The following KLHL1 variants were observed in gnomAD, a reference collection of about 807,000 sequenced individuals.
KLHL1 encodes the protein kelch-like protein 1.
KLHL1 carries 47 observed loss-of-function variants against 77.7 expected under a neutral mutation model. The observed-to-expected ratio is 0.60, with a 90% confidence interval of 0.48 to 0.77. The LOEUF is 0.77. KLHL1 is among the 30% of genes least tolerant of loss of function. The pLI, the probability that KLHL1 is intolerant of heterozygous loss-of-function variation, is 0.00. For synonymous variants in KLHL1, 360 were observed against 325.2 expected, an observed-to-expected ratio of 1.11 and a Z score of -1.15; for missense variants, 925 against 910.8, an observed-to-expected ratio of 1.02 and a Z score of -0.20.
rs2137463434 is a variant in KLHL1 at position 70,107,700 on chromosome 13, G to A, written c.-1C>T. ...AGTCTTTTCGCCCAGAGCCTGACATGCTTTACGCACAGAAGGCAAAAGGCT... is the reference window on the plus strand; with the variant it reads ...AGTCTTTTCGCCCAGAGCCTGACATACTTTACGCACAGAAGGCAAAAGGCT... On this transcript the variant is annotated 5_prime_UTR_variant, in exon 1 of 11. Transcript: ENST00000377844. 3 of 1,519,354 alleles carry A rather than the reference G, an allele frequency of 2.0e-6. No individual in the cohort carries two copies. The highest frequency in any genetic ancestry group is 2.6e-5 in the South Asian group (2 of 75,728). The allele number at this position is 1,519,354 out of a possible 1,614,324, so 94.1% of individuals were successfully genotyped here.
At chr13:69,776,973 C>T (rs768153500) in intron 7 of KLHL1, among the ~76,000 whole-genome samples, 1 of 152,098 alleles carries the variant, frequency 6.6e-6, no homozygotes, top group Non-Finnish European at 1.5e-5. Context: ...TATGTCCCCA[C>T]CCAAATCTCA....
chr13:69,926,754 T>C (rs889096554), intron 4 of KLHL1, among the ~76,000 whole-genome samples: 11 of 151,710 alleles, frequency 7.3e-5, no homozygotes, highest in Non-Finnish European at 1.5e-4. Flanking sequence ...GAGACCATCC[T>C]GGCAAACATG....
intron 1 of KLHL1, among the ~76,000 whole-genome samples, chr13:70,068,045 T>TAAA (rs11383566): frequency 0.18 from 25,150 of 141,342 alleles, 2,239 homozygotes; most frequent in African/African-American, 0.23. Context: ...TTAGTATAAG[T>TAAA]AAAAAAAAAA....
At chr13:69,895,076 C>A (rs745393557) in intron 4 of KLHL1, 13 of 477,302 alleles carry the variant, frequency 2.7e-5, no homozygotes, top group Admixed American at 1.7e-4. Flanking sequence ...TCACCCACTT[C>A]GGATCTTGCT....
At position 69,796,979 on chromosome 13, in the gene KLHL1, T is replaced by C. The variant is rs1254446778; in HGVS notation, c.1415-17A>G. On this transcript the variant is annotated splice_polypyrimidine_tract_variant and intron_variant, in intron 6 of 10. Coordinates refer to ENST00000377844, the MANE Select transcript of KLHL1 (RefSeq NM_020866.3). ...TTGTAGCTCCTGATAAAACATAAAA[T>C]CAAAAAGTCACCAATTGCTATAAAT... 6.2e-7 allele frequency: 1 copy of C among 1,602,154 alleles called. No individual in the cohort carries two copies. The highest frequency in any genetic ancestry group is 1.1e-5 in the South Asian group (1 of 90,674).
At chr13:69,823,667 A>T (rs2138082120) in intron 6 of KLHL1, among the ~76,000 whole-genome samples, 1 of 152,212 alleles carries the variant, frequency 6.6e-6, no homozygotes, top group East Asian at 1.9e-4. Flanking sequence ...TTTATACAAA[A>T]TACAAAATAA....
intron 3 of KLHL1, among the ~76,000 whole-genome samples, chr13:69,954,881 G>C (rs1400801291): frequency 1.3e-5 from 2 of 150,718 alleles, no homozygotes; most frequent in African/African-American, 4.9e-5. Context: ...GAAAGGTAAG[G>C]ATTTAATTGT....
intron 1 of KLHL1, among the ~76,000 whole-genome samples, chr13:70,006,123 T>C (rs1251590413): frequency 6.6e-6 from 1 of 152,124 alleles, no homozygotes; most frequent in Non-Finnish European, 1.5e-5. Flanking sequence ...TGTCCCTCTT[T>C]GTCTTGCTTA....
chr13:70,066,998 G>C (rs1373471878), intron 1 of KLHL1, among the ~76,000 whole-genome samples: 1 of 152,092 alleles, frequency 6.6e-6, no homozygotes, highest in Non-Finnish European at 1.5e-5. Flanking sequence ...AATTTATCAA[G>C]CACTTTGTAA....
At chr13:70,054,515 A>C (rs926902911) in intron 1 of KLHL1, among the ~76,000 whole-genome samples, 3 of 152,086 alleles carry the variant, frequency 2.0e-5, no homozygotes, top group Non-Finnish European at 4.4e-5. Flanking sequence ...TTTCCAGTTT[A>C]AGTTATCACA....
chr13:69,730,274 T>C (rs1172104540), intron 8 of KLHL1, among the ~76,000 whole-genome samples: 1 of 129,412 alleles, frequency 7.7e-6, no homozygotes, highest in East Asian at 2.0e-4. Flanking sequence ...TTAATGTGTG[T>C]GTGTGTGTGT....
At chr13:69,787,440 G>A (rs1951571297) in intron 7 of KLHL1, among the ~76,000 whole-genome samples, 1 of 152,130 alleles carries the variant, frequency 6.6e-6, no homozygotes, top group African/African-American at 2.4e-5. Flanking sequence ...AAGGTGCTGG[G>A]GAAACTGGCT....
intron 7 of KLHL1, among the ~76,000 whole-genome samples, chr13:69,775,086 T>C (rs1406837040): frequency 6.6e-6 from 1 of 152,176 alleles, no homozygotes; most frequent in Non-Finnish European, 1.5e-5. Flanking sequence ...TTTAAAGTCG[T>C]TTCCTGGGAG....
intron 4 of KLHL1, among the ~76,000 whole-genome samples, chr13:69,892,706 C>T (rs1010550008): frequency 3.9e-5 from 6 of 152,062 alleles, no homozygotes; most frequent in Admixed American, 2.6e-4. Flanking sequence ...AATGATACTT[C>T]GGGAAAGCCT....
At chr13:69,747,659 A>G (rs1293377304) in intron 7 of KLHL1, among the ~76,000 whole-genome samples, 1 of 151,998 alleles carries the variant, frequency 6.6e-6, no homozygotes, top group Non-Finnish European at 1.5e-5. Context: ...AGAATTAGTA[A>G]GTAGAACAAC....
chr13:69,789,416 T>C (rs959284184), intron 7 of KLHL1, among the ~76,000 whole-genome samples: 1 of 152,122 alleles, frequency 6.6e-6, no homozygotes, highest in African/African-American at 2.4e-5. Flanking sequence ...AATATGACTA[T>C]TGAGTCGAGG....
At chr13:69,764,929 CTTTTTTTTTTTTTTTTTTT>C (rs71196263) in intron 7 of KLHL1, among the ~76,000 whole-genome samples, 28 of 39,710 alleles carry the variant, frequency 7.1e-4, no homozygotes, top group South Asian at 1.5e-3. Flanking sequence ...TATATCTTTG[CTTTTTTTTTTTTTTTTTTT>C]TTTTTTTTTT....
chr13:69,972,818 ACCT>A (rs1884428671), intron 2 of KLHL1, among the ~76,000 whole-genome samples: 1 of 151,798 alleles, frequency 6.6e-6, no homozygotes, highest in Admixed American at 6.6e-5. Flanking sequence ...GGCCATGAAC[ACCT>A]CCTAATTTTC....
chr13:69,848,730 A>G (rs575103676), intron 5 of KLHL1, among the ~76,000 whole-genome samples: 1 of 151,666 alleles, frequency 6.6e-6, no homozygotes, highest in African/African-American at 2.4e-5. Context: ...AAAAATGCAT[A>G]TGAAATAAGT....
Sources: allele counts gnomAD v4.1 joint callset (sites outside exome capture counted in the v4.1 genomes callset), GRCh38; gene constraint gnomAD v4.1.1; transcripts MANE v1.5; gene names NCBI Gene and HGNC (gene_info 2026-07-23, HGNC 2026-07-21).